Variants in THSD7A observed in about 807,000 individuals in gnomAD.
THSD7A encodes thrombospondin type 1 domain containing 7A, also known as thrombospondin type-1 domain-containing protein 7A.
A neutral mutation model predicts 231.3 loss-of-function variants in THSD7A; 96 were observed. That is an observed-to-expected ratio of 0.41 (90% confidence interval 0.35 to 0.49). The LOEUF is 0.49. Ranked by LOEUF, THSD7A falls within the 20% of genes least tolerant of loss-of-function variation. The pLI, the probability that THSD7A is intolerant of heterozygous loss-of-function variation, is 0.05. For synonymous variants in THSD7A, 940 were observed against 743.3 expected (o/e 1.26, Z -4.30); for missense variants, 2,290 against 2,070.2 (o/e 1.11, Z -2.06).
At chr7:11,501,662 G>A (rs1304642734) in intron 6 of THSD7A, among the ~76,000 whole-genome samples, 1 of 152,092 alleles carries the variant, frequency 6.6e-6, no homozygotes, top group Non-Finnish European at 1.5e-5. Flanking sequence ...GCACTAAAAT[G>A]CCCACATCAA....
At chr7:11,567,814 T>C (rs2128333038) in intron 4 of THSD7A, among the ~76,000 whole-genome samples, 1 of 152,278 alleles carries the variant, frequency 6.6e-6, no homozygotes, top group African/African-American at 2.4e-5. Context: ...CCTAGCTCAC[T>C]CCACGTCTCC....
chr7:11,599,199 G>A (rs778471225), intron 2 of THSD7A, among the ~76,000 whole-genome samples: 2 of 152,154 alleles, frequency 1.3e-5, no homozygotes, highest in Non-Finnish European at 2.9e-5. Context: ...ACCATGCCCT[G>A]TGATTAAGGT....
At chr7:11,592,003 G>A (rs1780184858) in intron 3 of THSD7A, among the ~76,000 whole-genome samples, 1 of 152,190 alleles carries the variant, frequency 6.6e-6, no homozygotes, top group Non-Finnish European at 1.5e-5. Context: ...TTTGTTAATT[G>A]TGTTTGAATA....
At chr7:11,410,680 A>C (rs1054300046) in intron 19 of THSD7A, 1 of 152,534 alleles carries the variant, frequency 6.6e-6, no homozygotes, top group Non-Finnish European at 1.5e-5. Flanking sequence ...AATTCTCTGT[A>C]CCTAGAAGAT....
chr7:11,598,522 A>G (rs1584055597), intron 2 of THSD7A, among the ~76,000 whole-genome samples: 1 of 152,332 alleles, frequency 6.6e-6, no homozygotes, highest in South Asian at 2.1e-4. Flanking sequence ...CCACTCACCA[A>G]GGCTGACCTG....
chr7:11,762,804 G>C (rs1782907608), intron 1 of THSD7A, among the ~76,000 whole-genome samples: 1 of 150,948 alleles, frequency 6.6e-6, no homozygotes. Context: ...AAAAATTATA[G>C]ATGACACAAA....
At chr7:11,447,622 C>T (rs372638829) in intron 11 of THSD7A, among the ~76,000 whole-genome samples, 198 bp from the exon 12 acceptor site, 4 of 152,134 alleles carry the variant, frequency 2.6e-5, no homozygotes, top group African/African-American at 9.6e-5. Context: ...ACACACAACC[C>T]TGAGTGATTT....
chr7:11,486,569 T>C (rs1032771104), intron 6 of THSD7A, among the ~76,000 whole-genome samples: 2 of 148,050 alleles, frequency 1.4e-5, no homozygotes, highest in Non-Finnish European at 3.0e-5. Flanking sequence ...TGTGTAGTTC[T>C]ATCACTGGTG....
intron 23 of THSD7A, among the ~76,000 whole-genome samples, chr7:11,392,882 G>A (rs1583659451): frequency 6.6e-6 from 1 of 152,338 alleles, no homozygotes; most frequent in Middle Eastern, 3.4e-3. Context: ...AGCAGCCCCA[G>A]TCAGGGGCTT....
chr7:11,793,927 G>A (rs1015999029), intron 1 of THSD7A, among the ~76,000 whole-genome samples: 3 of 151,580 alleles, frequency 2.0e-5, no homozygotes, highest in Admixed American at 6.6e-5. Context: ...ATTTTCAATC[G>A]GGTAATCAAA....
intron 1 of THSD7A, among the ~76,000 whole-genome samples, chr7:11,638,578 C>T (rs1781957077): frequency 6.6e-6 from 1 of 152,200 alleles, no homozygotes; most frequent in African/African-American, 2.4e-5. Context: ...GCTAACTAAT[C>T]ATTATTGCAT....
chr7:11,774,341 A>G (rs1783331467), intron 1 of THSD7A, among the ~76,000 whole-genome samples: 1 of 152,186 alleles, frequency 6.6e-6, no homozygotes. Flanking sequence ...GGGGGAAGGA[A>G]TAAATGGGGA....
intron 1 of THSD7A, among the ~76,000 whole-genome samples, chr7:11,829,244 C>T (rs1785119221): frequency 6.6e-6 from 1 of 151,948 alleles, no homozygotes; most frequent in African/African-American, 2.4e-5. Flanking sequence ...GTGCATTGTT[C>T]AAGGGTCAAC....
In THSD7A at chr7:11,593,481, A is replaced by T. The variant is rs368124573; in HGVS notation, c.1044T>A (p.Leu348=). 1.1e-5 allele frequency: 18 copies of T among 1,613,930 alleles called. No individual in the cohort carries two copies. Among genetic ancestry groups the T allele is most frequent in the Non-Finnish European group, 1.4e-5 (16 of 1,179,836 alleles). ...TCACACAGGACTGGAAGGTCATTGG[A>T]AGCTTCTCTTGCTGGCAAAAGCTGT... ...ADLSFCQQEK[L]PMTFQSCVIT... is the part of the protein sequence containing the mutation. Residue 348 remains leucine (L), a synonymous_variant, in exon 3 of 28, where the codon CTT becomes CTA. Transcript: ENST00000423059.
intron 11 of THSD7A, among the ~76,000 whole-genome samples, chr7:11,448,580 T>C (rs1785048824): frequency 6.6e-6 from 1 of 152,080 alleles, no homozygotes; most frequent in African/African-American, 2.4e-5. Context: ...TGACCTTAAA[T>C]TACAGTGAGG....
At chr7:11,610,503 T>C (rs1264855450) in intron 2 of THSD7A, among the ~76,000 whole-genome samples, 1 of 152,124 alleles carries the variant, frequency 6.6e-6, no homozygotes, top group African/African-American at 2.4e-5. Context: ...TCCTGAGAAC[T>C]AGTATTTTAA....
intron 4 of THSD7A, among the ~76,000 whole-genome samples, chr7:11,546,199 C>CGTGTGTGTGT (rs150053928): frequency 9.8e-6 from 1 of 101,820 alleles, no homozygotes; most frequent in African/African-American, 4.2e-5. Flanking sequence ...GGTGTGGGCG[C>CGTGTGTGTGT]GCGCTCACAC....
chr7:11,657,875 T>G (rs1356011388), intron 1 of THSD7A, among the ~76,000 whole-genome samples: 2 of 151,754 alleles, frequency 1.3e-5, no homozygotes, highest in Non-Finnish European at 2.9e-5. Flanking sequence ...TTTCTAGAAG[T>G]ACTCAAAGGA....
chr7:11,692,335 A>G lies in THSD7A; in HGVS notation c.191-55374T>C, dbSNP rs533432822. 7.2e-5 allele frequency among the ~76,000 whole-genome samples: 11 copies of G among 151,750 alleles called. No homozygotes were observed. The South Asian group carries it at 2.1e-3, about 29-fold the overall frequency. ...GAAGCTAATCATTTATGTAAATAAA[A>G]TAGATACCTCAGTCTCTACAGTTAA... On this transcript the variant is annotated intron_variant, in intron 1 of 27. Transcript: ENST00000423059.
Sources: gnomAD v4.1 joint callset for allele counts (sites outside exome capture counted in the v4.1 genomes callset) on GRCh38, gnomAD v4.1.1 for gene constraint, MANE v1.5 for transcripts, NCBI Gene and HGNC (gene_info 2026-07-23, HGNC 2026-07-21) for gene names.